Variants in RFTN1 observed in about 807,000 individuals in gnomAD.
RFTN1 encodes the protein raftlin.
Under a neutral mutation model 46.5 loss-of-function variants are expected in RFTN1, and 26 were observed. The ratio of observed to expected loss-of-function variants is 0.56; its 90% CI spans 0.41 to 0.78. The LOEUF is 0.78. RFTN1 is among the 30% of genes least tolerant of loss of function. The pLI is 0.00. For missense variants in RFTN1, 693 were observed against 718.7 expected, an observed-to-expected ratio of 0.96 and a Z score of 0.41; for synonymous variants, 261 against 284.2, an observed-to-expected ratio of 0.92 and a Z score of 0.82.
intron 3 of RFTN1, among the ~76,000 whole-genome samples, chr3:16,412,825 T>TGTGG (rs1398540568): frequency 6.6e-6 from 1 of 152,194 alleles, no homozygotes; most frequent in Non-Finnish European, 1.5e-5. Context: ...GGCAAGAAAT[T>TGTGG]GTGGGTAGTC....
Position 16,473,588 on chromosome 3 carries a change from G to C in RFTN1, c.145+20137C>G, listed in dbSNP as rs1405887555. 6.6e-6 allele frequency among the ~76,000 whole-genome samples: 1 copy of C among 151,486 alleles called. No individual in the cohort carries two copies. Among genetic ancestry groups the C allele is most frequent in the African/African-American group, 2.4e-5 (1 of 41,224 alleles). On this transcript the variant is annotated intron_variant, in intron 2 of 9. Transcript: ENST00000334133. The surrounding 1 kb of genome is among the most constrained non-coding windows in gnomAD (Gnocchi z 5.3). ...GCTAATTTTTTTGTATTTTTTTTTA[G>C]TAGAAACGGAGTTTCACCGTGTTGC...
rs1240565439 is a variant in RFTN1, at chr3:16,422,774, G to A, written c.332+11077C>T. Among the ~76,000 whole-genome samples, 2 of 152,206 alleles carry A rather than the reference G, an allele frequency of 1.3e-5. No individual in the cohort carries two copies. The highest frequency in any genetic ancestry group is 2.9e-5 in the Non-Finnish European group (2 of 68,046). On this transcript the variant is annotated intron_variant, in intron 3 of 9. Transcript: ENST00000334133. The surrounding 1 kb of genome is among the most constrained non-coding windows in gnomAD (Gnocchi z 4.6). ...AGGAATAGATTGGGATGTACATATA[G>A]AAATCCTAACTATAATAAAGGTGGC...
rs1312848819 is a variant in RFTN1, at chr3:16,410,009, T to TA, written c.333-527dup. On this transcript the variant is annotated intron_variant, in intron 3 of 9. Transcript: ENST00000334133. The surrounding 1 kb of genome is among the most constrained non-coding windows in gnomAD (Gnocchi z 4.6). ...GACGCAGAATATTTTTTTTTTTTTT[T>TA]AAAAAGAATCATTGGGTCTTTAATG... Among the ~76,000 whole-genome samples the TA allele has an allele frequency of 2.1e-3, 299 of 144,828 alleles. 1 individual carries two copies. Among genetic ancestry groups the TA allele is most frequent in the African/African-American group, 4.5e-3 (170 of 38,050 alleles).
intron 2 of RFTN1, among the ~76,000 whole-genome samples, chr3:16,461,424 A>G (rs778747658): frequency 2.0e-5 from 3 of 152,226 alleles, no homozygotes; most frequent in Admixed American, 2.0e-4. Context: ...ATATATACAC[A>G]TACACGTACA....
chr3:16,422,037 A>C lies in RFTN1; in HGVS notation c.332+11814T>G, dbSNP rs1396208521. Among the ~76,000 whole-genome samples the C allele has an allele frequency of 6.6e-6, 1 of 152,160 alleles. No homozygotes were observed. The highest frequency in any genetic ancestry group is 6.5e-5 in the Admixed American group (1 of 15,280). On this transcript the variant is annotated intron_variant, in intron 3 of 9. Transcript: ENST00000334133. This position sits in a 1 kb window ranked among gnomAD's most constrained non-coding sequence, Gnocchi z 4.6. ...ATCATCTCTCTCCTAATTTTTCAAT[A>C]AAATATATAAAAATAGACACCTCAG... is the stretch of plus-strand genomic sequence containing the variant.
intron 3 of RFTN1, chr3:16,416,147 C>A (rs1050230596): frequency 2.2e-6 from 1 of 454,784 alleles, no homozygotes; most frequent in Non-Finnish European, 4.4e-6. Flanking sequence ...TGTATTTCAC[C>A]ATTCCAAAGG....
In RFTN1 at chr3:16,403,541, GAGAGAC is replaced by G. The variant is rs1389021384; in HGVS notation, c.441+5828_441+5833del. 6.4e-4 allele frequency among the ~76,000 whole-genome samples: 38 copies of G among 58,934 alleles called. 7 individuals are homozygous for G. The highest frequency in any genetic ancestry group is 1.7e-3 in the East Asian group (4 of 2,394). 38.7% of individuals were successfully genotyped at this position (58,934 alleles called of 152,430 possible). ...ACACAAACATGGGCCAGCAGCATAT[GAGAGAC>G]AGAGACAGAGACACACACACACACA... On this transcript the variant is annotated intron_variant, in intron 4 of 9. Coordinates refer to ENST00000334133, the MANE Select transcript of RFTN1 (RefSeq NM_015150.2).
At chr3:16,496,611 A>G (rs1286184276) in intron 1 of RFTN1, among the ~76,000 whole-genome samples, 1 of 152,120 alleles carries the variant, frequency 6.6e-6, no homozygotes, top group African/African-American at 2.4e-5. Context: ...AAGCAAATGA[A>G]ATTCCCCTAC....
In RFTN1 at chr3:16,513,315, G is replaced by C. The variant is rs538886192; in HGVS notation, c.-9+127C>G. The C allele has an allele frequency of 6.5e-6, 1 of 152,788 alleles. No homozygotes were observed. The highest frequency in any genetic ancestry group is 1.9e-4 in the East Asian group (1 of 5,202). 9.5% of individuals were successfully genotyped at this position (152,788 alleles called of 1,614,324 possible). ...CTGGCAGCTCCGGAGCCCCGGCAAA[G>C]AGCAACCTGCAGGGAGGCGCCACGC... On this transcript the variant is annotated intron_variant, in intron 1 of 9. Transcript: ENST00000334133. This position sits in a 1 kb window ranked among gnomAD's most constrained non-coding sequence, Gnocchi z 5.4.
rs2072210483 is a variant in RFTN1, at chr3:16,353,154, G to A, written c.1146+4778C>T. ...CTAGAGATTATAGGCCTGCCTGGGA[G>A]GACAGTGGTTACCAGAAAAGCAGAG... On this transcript the variant is annotated intron_variant, in intron 7 of 9. Transcript: ENST00000334133. The surrounding 1 kb of genome is among the most constrained non-coding windows in gnomAD (Gnocchi z 5.4). Among the ~76,000 whole-genome samples the A allele has an allele frequency of 6.6e-6, 1 of 152,150 alleles. No homozygotes were observed. Among genetic ancestry groups the A allele is most frequent in the African/African-American group, 2.4e-5 (1 of 41,426 alleles).
intron 2 of RFTN1, among the ~76,000 whole-genome samples, chr3:16,486,214 C>G (rs1032466364): frequency 1.3e-5 from 2 of 152,132 alleles, no homozygotes; most frequent in African/African-American, 2.4e-5. Flanking sequence ...CCACCTTTAC[C>G]TTGCCTGATG....
intron 1 of RFTN1, among the ~76,000 whole-genome samples, chr3:16,511,131 ATGAC>A (rs2076894792): frequency 1.3e-5 from 2 of 152,216 alleles, no homozygotes; most frequent in Non-Finnish European, 2.9e-5. Flanking sequence ...AGGGCAGAGA[ATGAC>A]TGAGAATGAG....
At chr3:16,415,082 G>A (rs1375446400) in intron 3 of RFTN1, among the ~76,000 whole-genome samples, 1 of 152,166 alleles carries the variant, frequency 6.6e-6, no homozygotes, top group Non-Finnish European at 1.5e-5. Flanking sequence ...AGTGGTCCAG[G>A]CAAGGGATGA....
intron 2 of RFTN1, among the ~76,000 whole-genome samples, chr3:16,485,215 G>T (rs757734462): frequency 6.6e-6 from 1 of 151,736 alleles, no homozygotes; most frequent in Non-Finnish European, 1.5e-5. Context: ...TTTCCCAAAT[G>T]TTCAACAGGA....
At position 16,416,246 on chromosome 3, in the gene RFTN1, C is replaced by T. The variant is rs764121702; in HGVS notation, c.333-6763G>A. The T allele has an allele frequency of 5.5e-5, 25 of 455,508 alleles. 1 individual carries two copies. The highest frequency in any genetic ancestry group is 1.1e-4 in the South Asian group (7 of 64,390). 28.2% of individuals were successfully genotyped at this position (455,508 alleles called of 1,614,324 possible). On this transcript the variant is annotated intron_variant, in intron 3 of 9. Transcript: ENST00000334133. Reference sequence around the variant, plus strand: ...AAGAATGAATAGGACAAAATGAACTCGAATCCTTAGAGTGTAGCAACATAG... The same window carrying T: ...AAGAATGAATAGGACAAAATGAACTTGAATCCTTAGAGTGTAGCAACATAG...
In RFTN1 at chr3:16,433,173, GT is replaced by G. The variant is rs758282020; in HGVS notation, c.332+677del. ...CTGCTCTCTCCATCCCATCCTCACT[GT>G]TTTTTTTTTTTAAAAAAATTAATAT... On this transcript the variant is annotated intron_variant, in intron 3 of 9. Transcript: ENST00000334133. This position sits in a 1 kb window ranked among gnomAD's most constrained non-coding sequence, Gnocchi z 4.4. Among the ~76,000 whole-genome samples the G allele has an allele frequency of 1.3e-3, 130 of 96,364 alleles. No homozygotes were observed. In the Middle Eastern group the frequency reaches 0.018, roughly 13 times the overall value. The allele number at this position is 96,364 out of a possible 152,430, so 63.2% of individuals were successfully genotyped here. A position where few individuals can be genotyped will look rare whatever the true frequency, so the allele number is the denominator to read the frequency against.
intron 4 of RFTN1, among the ~76,000 whole-genome samples, chr3:16,393,690 G>C (rs1289511040): frequency 6.8e-6 from 1 of 146,362 alleles, no homozygotes; most frequent in Non-Finnish European, 1.5e-5. Context: ...ATGGAGTCTT[G>C]CTTTCTCACC....
At chr3:16,453,027 T>C (rs1239609554) in intron 2 of RFTN1, among the ~76,000 whole-genome samples, 2 of 152,262 alleles carry the variant, frequency 1.3e-5, no homozygotes. Context: ...CCATTGGACA[T>C]ATATTGTCCA....
Position 16,334,446 on chromosome 3 carries a change from CAG to C in RFTN1, c.1147-7572_1147-7571del, listed in dbSNP as rs2070656454. Among the ~76,000 whole-genome samples the C allele has an allele frequency of 6.6e-6, 1 of 152,166 alleles. No individual in the cohort carries two copies. The highest frequency in any genetic ancestry group is 2.4e-5 in the African/African-American group (1 of 41,428). On this transcript the variant is annotated intron_variant, in intron 7 of 9. Transcript: ENST00000334133. The surrounding 1 kb of genome is among the most constrained non-coding windows in gnomAD (Gnocchi z 4.3). ...TACGTATTAAAAAATGAGAAATGCA[CAG>C]AGTTATTCACTGGAGAGCGGTCTGC...
Sources: gnomAD v4.1 joint callset for allele counts (sites outside exome capture counted in the v4.1 genomes callset) on GRCh38, gnomAD v4.1.1 for gene constraint, Gnocchi (gnomAD v3.1) non-coding constraint, MANE v1.5 for transcripts, NCBI Gene and HGNC (gene_info 2026-07-23, HGNC 2026-07-21) for gene names.